Variants in FHL1 observed in about 807,000 individuals in gnomAD.
FHL1 encodes four and a half LIM domains 1, also known as four and a half LIM domains protein 1.
Under a neutral mutation model 20.3 loss-of-function variants are expected in FHL1, and 1 was observed. The observed-to-expected ratio is 0.05, with a 90% CI of 0.02 to 0.23. The LOEUF (loss-of-function observed/expected upper bound fraction) is 0.23, where lower values mean the gene tolerates loss of function less well. Ranked by LOEUF, FHL1 falls within the 10% of genes least tolerant of loss-of-function variation. FHL1 has a pLI of 1.00. For missense variants in FHL1, 177 were observed against 234.0 expected (o/e 0.76, Z 1.59); for synonymous variants, 82 against 88.9 (o/e 0.92, Z 0.44).
intron 1 of FHL1, among the ~76,000 whole-genome samples, chrX:136,151,168 A>G (rs1350917794): frequency 1.8e-5 from 2 of 112,514 alleles, no homozygotes; most frequent in Admixed American, 9.4e-5. Flanking sequence ...GGGTCACTCA[A>G]CAATTTTTGC....
chrX:136,177,743 T>G (rs2073043531), intron 2 of FHL1, among the ~76,000 whole-genome samples: 1 of 112,271 alleles, frequency 8.9e-6, no homozygotes, highest in African/African-American at 3.2e-5. Context: ...TCATCAAGTT[T>G]AGTTCAAGCC....
intron 5 of FHL1, chrX:136,209,096 G>GT: frequency 2.0e-6 from 1 of 498,293 alleles, no homozygotes; most frequent in South Asian, 3.5e-5. Flanking sequence ...CTGTTTATTT[G>GT]TTTTTGCGAT....
At position 136,209,853 on chromosome X, in the gene FHL1, CTTTT is replaced by C; in HGVS notation, c.737-12_737-9del. On this transcript the variant is annotated splice_polypyrimidine_tract_variant and intron_variant, in intron 5 of 5. Transcript: ENST00000370683. ...TGTTTCTCTTGTTTTCTTTTCTTTT[CTTTT>C]TTTTTCCCCCCAGGGTTTGGTAAAG... The C allele has an allele frequency of 1.7e-6, 2 of 1,157,202 alleles. No individual in the cohort carries two copies. Among genetic ancestry groups the C allele is most frequent in the Non-Finnish European group, 2.3e-6 (2 of 854,118 alleles).
At chrX:136,146,867 G>C, upstream of FHL1, 1 of 329,664 alleles carries the variant, frequency 3.0e-6, no homozygotes. Context: ...ATTATGGATG[G>C]GGCTTATTTA....
intron 1 of FHL1, among the ~76,000 whole-genome samples, chrX:136,203,410 G>T (rs6633811): frequency 3.2e-4 from 36 of 112,082 alleles, no homozygotes; most frequent in African/African-American, 1.1e-3. Context: ...CTTGCCTAAA[G>T]CTAGGATTCA....
At chrX:136,206,875 T>G in intron 2 of FHL1, 141 bp from the exon 3 acceptor site, 1 of 660,914 alleles carries the variant, frequency 1.5e-6, no homozygotes, top group Admixed American at 2.5e-5. Flanking sequence ...CCTATAAGAA[T>G]AGTCACTGTG....
At chrX:136,153,323 T>G (rs1170216055) in intron 1 of FHL1, among the ~76,000 whole-genome samples, 1 of 110,323 alleles carries the variant, frequency 9.1e-6, no homozygotes, top group African/African-American at 3.3e-5. Context: ...TTAATTTCAT[T>G]TGCTTCAATT....
chrX:136,154,251 A>C (rs915948302), intron 1 of FHL1, among the ~76,000 whole-genome samples: 3 of 112,734 alleles, frequency 2.7e-5, no homozygotes, highest in Non-Finnish European at 5.6e-5. Flanking sequence ...GTATACTATA[A>C]AGGATACTAA....
chrX:136,209,629 T>C (rs2073950873), intron 5 of FHL1, among the ~76,000 whole-genome samples: 2 of 110,148 alleles, frequency 1.8e-5, no homozygotes, highest in African/African-American at 6.6e-5. Context: ...TTCAGCATCT[T>C]CTCAGGTCCT....
At chrX:136,182,284 C>T (rs779672587) in intron 2 of FHL1, among the ~76,000 whole-genome samples, 1 of 111,889 alleles carries the variant, frequency 8.9e-6, no homozygotes, top group South Asian at 3.8e-4. Flanking sequence ...GTTGGTTACG[C>T]CCACAGAATC....
At chrX:136,168,737 C>T (rs2072779344), upstream of FHL1, among the ~76,000 whole-genome samples, 1 of 111,552 alleles carries the variant, frequency 9.0e-6, no homozygotes, top group Admixed American at 9.5e-5. Flanking sequence ...GTCAGGATCT[C>T]TAAAGAGATG....
At chrX:136,206,188 C>A (rs1603270245) in intron 1 of FHL1, 3 of 461,707 alleles carry the variant, frequency 6.5e-6, no homozygotes, top group African/African-American at 4.8e-5. Flanking sequence ...CACTAGCCAT[C>A]GGCCATCTGG....
At chrX:136,196,570 A>G (rs989156894), upstream of FHL1, among the ~76,000 whole-genome samples, 1 of 111,763 alleles carries the variant, frequency 8.9e-6, no homozygotes, top group African/African-American at 3.3e-5. Flanking sequence ...AGGAGGACAT[A>G]GAGTGACAAC....
At chrX:136,209,142 C>A in intron 5 of FHL1, 1 of 785,232 alleles carries the variant, frequency 1.3e-6, no homozygotes, top group Non-Finnish European at 1.8e-6. Context: ...CATCTCGCGG[C>A]CGCGATCCAC....
chrX:136,147,974 C>T (rs1214700045), intron 1 of FHL1: 1 of 86,557 alleles, frequency 1.2e-5, no homozygotes, highest in African/African-American at 4.5e-5. Flanking sequence ...TGGGGGCTCT[C>T]CATGTTTTCC....
chrX:136,183,021 C>T (rs1034655122), intron 2 of FHL1, among the ~76,000 whole-genome samples: 1 of 106,479 alleles, frequency 9.4e-6, no homozygotes, highest in Non-Finnish European at 1.9e-5. Context: ...CGCTTGAACT[C>T]GGGAGGCAGA....
chrX:136,205,924 G>A (rs1430573674), intron 1 of FHL1, among the ~76,000 whole-genome samples: 1 of 110,972 alleles, frequency 9.0e-6, no homozygotes, highest in Non-Finnish European at 1.9e-5. Context: ...GCACCCCTTT[G>A]AGCCTCTGCC....
At chrX:136,150,376 G>A (rs913991738) in intron 1 of FHL1, among the ~76,000 whole-genome samples, 2 of 111,267 alleles carry the variant, frequency 1.8e-5, no homozygotes, top group African/African-American at 3.3e-5. Flanking sequence ...TTTCTCCCCC[G>A]TCCGGTGCCA....
At chrX:136,199,641 C>A (rs914479622) in intron 1 of FHL1, among the ~76,000 whole-genome samples, 1 of 112,392 alleles carries the variant, frequency 8.9e-6, no homozygotes, top group African/African-American at 3.2e-5. Flanking sequence ...CTTTAGAAGC[C>A]AGTGTTTATA....
Sources: gnomAD v4.1 joint callset for allele counts (sites outside exome capture counted in the v4.1 genomes callset) on GRCh38, gnomAD v4.1.1 for gene constraint, MANE v1.5 for transcripts, NCBI Gene and HGNC (gene_info 2026-07-23, HGNC 2026-07-21) for gene names.